Variants in ZNF385D observed in about 807,000 individuals in gnomAD.
ZNF385D encodes the protein zinc finger protein 385D, also known as zinc finger protein 659.
ZNF385D carries 15 observed loss-of-function variants against 35.8 expected under a neutral mutation model. The ratio of observed to expected loss-of-function variants is 0.42; its 90% CI spans 0.28 to 0.64. ZNF385D has a LOEUF of 0.64. ZNF385D is among the 30% of genes least tolerant of loss of function. ZNF385D has a pLI of 0.23. For synonymous variants in ZNF385D, 212 were observed against 186.8 expected (o/e 1.13, Z -1.10); for missense variants, 474 against 494.6 (o/e 0.96, Z 0.39).
At chr3:21,734,366 TTC>T (rs1480316327) in intron 1 of ZNF385D, among the ~76,000 whole-genome samples, 1 of 151,838 alleles carries the variant, frequency 6.6e-6, no homozygotes, top group Non-Finnish European at 1.5e-5. Flanking sequence ...TTTTTTGTTT[TTC>T]TTTTTTAAAA....
Position 22,078,875 on chromosome 3 carries a change from A to C in ZNF385D, c.325+89942T>G, listed in dbSNP as rs1700599085. On this transcript the variant is annotated intron_variant, in intron 3 of 5. Coordinates refer to the ZNF385D transcript ENST00000494108. ...TGTGCATACAGACTCTTACACATAA[A>C]ATTTTAAATACAATAATGTTATTTC... 2.0e-5 allele frequency among the ~76,000 whole-genome samples: 3 copies of C among 152,082 alleles called. No individual in the cohort carries two copies. The South Asian group carries it at 6.2e-4, about 32-fold the overall frequency.
chr3:21,809,845 C>T (rs2072832543), intron 3 of ZNF385D, among the ~76,000 whole-genome samples: 1 of 151,600 alleles, frequency 6.6e-6, no homozygotes, highest in Admixed American at 6.6e-5. Context: ...AAACCAAAAG[C>T]TAACAGATAA....
At chr3:21,982,440 T>C (rs1463446438) in intron 3 of ZNF385D, among the ~76,000 whole-genome samples, 1 of 152,208 alleles carries the variant, frequency 6.6e-6, no homozygotes, top group African/African-American at 2.4e-5. Flanking sequence ...CTTTGTATCC[T>C]CTAACTTTGC....
rs186289098 is a variant in ZNF385D, at chr3:21,887,476, T to C, written c.326-222448A>G. 4.6e-5 allele frequency among the ~76,000 whole-genome samples: 7 copies of C among 152,310 alleles called. No homozygotes were observed. In the East Asian group the frequency reaches 1.3e-3, roughly 29 times the overall value. On this transcript the variant is annotated intron_variant, in intron 3 of 5. Transcript: ENST00000494108. Reference sequence around the variant, plus strand: ...TCTAAGTCTAGCAGATGGTAAATTCTATAGAAACAAAAATAACACTTTGTT... The same window carrying C: ...TCTAAGTCTAGCAGATGGTAAATTCCATAGAAACAAAAATAACACTTTGTT...
At chr3:21,827,852 G>A (rs967120778) in intron 3 of ZNF385D, among the ~76,000 whole-genome samples, 1 of 152,168 alleles carries the variant, frequency 6.6e-6, no homozygotes, top group African/African-American at 2.4e-5. Flanking sequence ...ACATAGTTCA[G>A]AAAGAAACAT....
At chr3:21,548,235 A>G (rs1469509658) in intron 3 of ZNF385D, among the ~76,000 whole-genome samples, 1 of 152,180 alleles carries the variant, frequency 6.6e-6, no homozygotes, top group Non-Finnish European at 1.5e-5. Context: ...CTAGGGAAAT[A>G]TGCTGCAACA....
At chr3:21,738,272 G>A (rs2069343971) in intron 1 of ZNF385D, among the ~76,000 whole-genome samples, 2 of 152,238 alleles carry the variant, frequency 1.3e-5, no homozygotes, top group Admixed American at 1.3e-4. Context: ...ACATAGAAAG[G>A]TGTGGTGAGG....
chr3:22,193,470 A>G lies in ZNF385D; in HGVS notation c.107-24435T>C, dbSNP rs903242784. ...TATTAACGAATATTACATAGGATGC[A>G]TGAGATCTAAGTACAAATTAACTTG... On this transcript the variant is annotated intron_variant, in intron 2 of 5. Transcript: ENST00000494108. Among the ~76,000 whole-genome samples the G allele has an allele frequency of 6.6e-5, 10 of 152,212 alleles. 1 individual carries two copies. The highest frequency in any genetic ancestry group is 3.3e-4 in the Admixed American group (5 of 15,258).
At chr3:22,087,322 A>AT (rs1369711692) in intron 3 of ZNF385D, among the ~76,000 whole-genome samples, 2 of 151,874 alleles carry the variant, frequency 1.3e-5, no homozygotes, top group Non-Finnish European at 2.9e-5. Flanking sequence ...TTTTATTTAT[A>AT]TTTTTTTCTG....
chr3:21,966,473 C>A (rs1016142368), intron 3 of ZNF385D, among the ~76,000 whole-genome samples: 4 of 152,156 alleles, frequency 2.6e-5, no homozygotes, highest in Admixed American at 2.6e-4. Flanking sequence ...TTCATCACAT[C>A]CAGCAGAGGC....
At chr3:21,443,234 T>C in intron 4 of ZNF385D, 1 of 985,398 alleles carries the variant, frequency 1.0e-6, no homozygotes, top group Non-Finnish European at 1.2e-6. Flanking sequence ...GCTTCCGCTC[T>C]GTTCTTACAA....
intron 3 of ZNF385D, among the ~76,000 whole-genome samples, chr3:21,974,385 A>C (rs1462362971): frequency 1.3e-5 from 2 of 152,062 alleles, no homozygotes; most frequent in Non-Finnish European, 2.9e-5. Context: ...AAAAGAATAA[A>C]ACTAGACCCC....
chr3:21,728,159 T>C (rs996984654), intron 1 of ZNF385D, among the ~76,000 whole-genome samples: 9 of 151,926 alleles, frequency 5.9e-5, no homozygotes, highest in Non-Finnish European at 1.0e-4. Flanking sequence ...AGGAGAGGGA[T>C]AGCATTAGGA....
intron 3 of ZNF385D, among the ~76,000 whole-genome samples, chr3:21,807,745 G>C (rs1293864010): frequency 6.6e-6 from 1 of 152,078 alleles, no homozygotes; most frequent in African/African-American, 2.4e-5. Flanking sequence ...AATTTCTTGA[G>C]CTTTTCAGAA....
At chr3:22,363,460 ACTT>A (rs1696510862) in intron 2 of ZNF385D, among the ~76,000 whole-genome samples, 3 of 152,076 alleles carry the variant, frequency 2.0e-5, no homozygotes, top group Admixed American at 6.6e-5. Flanking sequence ...CAATAACTAA[ACTT>A]CTTTATATTC....
At chr3:21,554,644 A>T (rs560248110) in intron 3 of ZNF385D, among the ~76,000 whole-genome samples, 1 of 152,302 alleles carries the variant, frequency 6.6e-6, no homozygotes, top group African/African-American at 2.4e-5. Flanking sequence ...ATCTTCCAAT[A>T]GAATGCTCTT....
rs142744851 is a variant in ZNF385D at position 22,069,602 on chromosome 3, G to C, written c.325+99215C>G. Among the ~76,000 whole-genome samples the C allele has an allele frequency of 1.8e-3, 276 of 152,284 alleles. 1 individual carries two copies. Among genetic ancestry groups the C allele is most frequent in the Non-Finnish European group, 3.4e-3 (228 of 68,024 alleles). Reference sequence around the variant, plus strand: ...TATCTGTGTTTTAGAATGGTATCTAGTGGAATTTTTTGGCCTCTAAGAATA... The same window carrying C: ...TATCTGTGTTTTAGAATGGTATCTACTGGAATTTTTTGGCCTCTAAGAATA... On this transcript the variant is annotated intron_variant, in intron 3 of 5. Coordinates refer to the ZNF385D transcript ENST00000494108.
intron 2 of ZNF385D, among the ~76,000 whole-genome samples, chr3:22,258,036 A>T (rs980377624): frequency 1.3e-5 from 2 of 151,846 alleles, no homozygotes; most frequent in Non-Finnish European, 2.9e-5. Flanking sequence ...TTTTACACAA[A>T]GATCAGAGTT....
intron 2 of ZNF385D, among the ~76,000 whole-genome samples, chr3:21,662,595 C>T (rs1184119874): frequency 1.3e-5 from 2 of 152,144 alleles, no homozygotes; most frequent in Non-Finnish European, 2.9e-5. Context: ...CAAAAGCTAC[C>T]TGATTATGGG....
Sources: allele counts gnomAD v4.1 joint callset (sites outside exome capture counted in the v4.1 genomes callset), GRCh38; gene constraint gnomAD v4.1.1; transcripts MANE v1.5; gene names NCBI Gene and HGNC (gene_info 2026-07-23, HGNC 2026-07-21).